Variants in NALF1 observed in about 807,000 individuals in gnomAD.
NALF1 encodes family with sequence similarity 155 member A.
In NALF1, 3 loss-of-function variants were observed where a neutral mutation model predicts 48.4. That is an observed-to-expected ratio of 0.06 (90% confidence interval 0.03 to 0.16). NALF1 has a LOEUF of 0.16. NALF1 is among the 10% of genes least tolerant of loss of function. The probability of loss-of-function intolerance (pLI) is 1.00; values close to 1 mark genes in which losing one functional copy is unlikely to be tolerated. For synonymous variants in NALF1, 262 were observed against 245.7 expected, an observed-to-expected ratio of 1.07 and a Z score of -0.62; for missense variants, 526 against 571.5, an observed-to-expected ratio of 0.92 and a Z score of 0.81.
chr13:107,443,653 T>G (rs1473751926), intron 1 of NALF1, among the ~76,000 whole-genome samples: 1 of 150,516 alleles, frequency 6.6e-6, no homozygotes, highest in East Asian at 1.9e-4. Flanking sequence ...GGTAAAAGTT[T>G]TGGAGTCATC....
chr13:107,775,448 T>C (rs1877703801), intron 1 of NALF1, among the ~76,000 whole-genome samples: 1 of 151,578 alleles, frequency 6.6e-6, no homozygotes, highest in Non-Finnish European at 1.5e-5. Context: ...CTTAATCCAG[T>C]CTATCATTGT....
At chr13:107,381,942 A>G (rs892062027) in intron 1 of NALF1, among the ~76,000 whole-genome samples, 7 of 152,100 alleles carry the variant, frequency 4.6e-5, no homozygotes, top group Non-Finnish European at 8.8e-5. Context: ...TTCTCTGGGG[A>G]GAGAGTATGA....
At chr13:107,729,224 G>T (rs893801993) in intron 1 of NALF1, among the ~76,000 whole-genome samples, 5 of 152,010 alleles carry the variant, frequency 3.3e-5, no homozygotes, top group African/African-American at 1.2e-4. Flanking sequence ...ACATAAAGAA[G>T]AATATGTGAA....
intron 1 of NALF1, among the ~76,000 whole-genome samples, chr13:107,805,913 C>CA (rs1193875739): frequency 6.6e-6 from 1 of 152,050 alleles, no homozygotes; most frequent in African/African-American, 2.4e-5. Flanking sequence ...TATGATGCAC[C>CA]AAATTAAAAG....
At chr13:107,445,853 G>A (rs1884640510) in intron 1 of NALF1, among the ~76,000 whole-genome samples, 1 of 152,042 alleles carries the variant, frequency 6.6e-6, no homozygotes, top group African/African-American at 2.4e-5. Context: ...TTTTTAATTG[G>A]CATAATGCCA....
intron 1 of NALF1, among the ~76,000 whole-genome samples, chr13:107,820,649 T>C (rs1879336975): frequency 6.6e-6 from 1 of 152,228 alleles, no homozygotes; most frequent in South Asian, 2.1e-4. Flanking sequence ...TTATCTGCTA[T>C]GTAAATCTTT....
At chr13:107,303,700 T>G (rs910193959) in intron 1 of NALF1, among the ~76,000 whole-genome samples, 1 of 152,170 alleles carries the variant, frequency 6.6e-6, no homozygotes, top group African/African-American at 2.4e-5. Context: ...CATTAATGAA[T>G]AAAATTCACG....
chr13:107,850,534 C>T (rs1275320670), intron 1 of NALF1, among the ~76,000 whole-genome samples: 1 of 152,176 alleles, frequency 6.6e-6, no homozygotes, highest in Admixed American at 6.6e-5. Flanking sequence ...CAGCTTCTTC[C>T]TTGTTTTACT....
At chr13:107,694,723 T>C (rs1201200868) in intron 1 of NALF1, among the ~76,000 whole-genome samples, 1 of 152,172 alleles carries the variant, frequency 6.6e-6, no homozygotes, top group Admixed American at 6.5e-5. Context: ...TATATCAAAC[T>C]TCACTTAGAA....
intron 1 of NALF1, among the ~76,000 whole-genome samples, chr13:107,585,683 A>T (rs1177117746): frequency 6.6e-6 from 1 of 152,132 alleles, no homozygotes. Flanking sequence ...GGGCCTCATA[A>T]CCCAGCTGAC....
At chr13:107,691,805 T>C (rs1014984153) in intron 1 of NALF1, among the ~76,000 whole-genome samples, 1 of 152,168 alleles carries the variant, frequency 6.6e-6, no homozygotes, top group Non-Finnish European at 1.5e-5. Flanking sequence ...AAAAAGAGTA[T>C]GTCAATAAAA....
At position 107,170,571 on chromosome 13, in the gene NALF1, C is replaced by T; in HGVS notation, c.1303G>A (p.Ala435Thr). 1.2e-6 allele frequency: 2 copies of T among 1,614,112 alleles called. No homozygotes were observed. The highest frequency in any genetic ancestry group is 1.7e-6 in the Non-Finnish European group (2 of 1,180,034). Residue 435 changes from alanine (A) to threonine (T), a missense_variant, in exon 3 of 3, where the codon GCA becomes ACA. Ala to Thr is a moderately conservative substitution (Grantham distance 58). Coordinates refer to ENST00000375915, the MANE Select transcript of NALF1 (RefSeq NM_001080396.3). ...CTCAGTCCGGCTGTGTTCTGTGCTG[C>T]CGAGGCTGTGAGCACTGTGTGTAAG... ...ILLHTVLTAS[A>T]AQNTAGLSFG...
intron 1 of NALF1, among the ~76,000 whole-genome samples, chr13:107,469,298 T>C (rs888431924): frequency 1.3e-5 from 2 of 152,256 alleles, no homozygotes; most frequent in Non-Finnish European, 2.9e-5. Flanking sequence ...TTACAGATGA[T>C]ACTTCTCATA....
intron 1 of NALF1, among the ~76,000 whole-genome samples, chr13:107,814,691 G>A (rs1263458264): frequency 1.3e-5 from 2 of 151,916 alleles, no homozygotes; most frequent in African/African-American, 2.4e-5. Flanking sequence ...AATCGAAAAC[G>A]GAAAGAATTG....
At chr13:107,501,218 G>A (rs968926122) in intron 1 of NALF1, among the ~76,000 whole-genome samples, 4 of 152,090 alleles carry the variant, frequency 2.6e-5, no homozygotes, top group African/African-American at 9.7e-5. Flanking sequence ...ACTCCAGTAT[G>A]TGCCTTTAAT....
chr13:107,566,890 A>G (rs901391268), intron 1 of NALF1, among the ~76,000 whole-genome samples: 1 of 152,204 alleles, frequency 6.6e-6, no homozygotes, highest in Admixed American at 6.5e-5. Flanking sequence ...CAGCTGCCCA[A>G]CACGGATATA....
intron 1 of NALF1, among the ~76,000 whole-genome samples, chr13:107,264,418 C>T (rs937580034): frequency 1.3e-5 from 2 of 152,188 alleles, no homozygotes; most frequent in Admixed American, 1.3e-4. Flanking sequence ...TGCTCTCCTT[C>T]ATAGCTACTG....
At position 107,864,937 on chromosome 13, in the gene NALF1, T is replaced by TA. The variant is rs56920787; in HGVS notation, c.915+744dup. ...ACTACATCATCAACGTTTTGCTATT[T>TA]AATACTTCTGGAAAGCATACTGAAA... is the stretch of plus-strand genomic sequence containing the variant. On this transcript the variant is annotated intron_variant, in intron 1 of 2. Coordinates refer to ENST00000375915, the MANE Select transcript of NALF1 (RefSeq NM_001080396.3). Among the ~76,000 whole-genome samples, 40 of 152,330 alleles carry TA rather than the reference T, an allele frequency of 2.6e-4. No individual in the cohort carries two copies. The East Asian group carries it at 7.5e-3, about 29-fold the overall frequency.
In NALF1 at chr13:107,867,313, C is replaced by T. The variant is rs1278351806; in HGVS notation, c.-717G>A. ...CCCGCGCTCTAAGTGCTGCCGCCGC[C>T]GCCGCCGCCGCCGCCGCTGCCGCAG... On this transcript the variant is annotated 5_prime_UTR_variant, in exon 1 of 3. Coordinates refer to ENST00000375915, the MANE Select transcript of NALF1 (RefSeq NM_001080396.3). The surrounding 1 kb of genome is among the most constrained non-coding windows in gnomAD (Gnocchi z 4.4). Among the ~76,000 whole-genome samples, 77 of 129,972 alleles carry T rather than the reference C, an allele frequency of 5.9e-4. No individual in the cohort carries two copies. Among genetic ancestry groups the T allele is most frequent in the Non-Finnish European group, 1.1e-3 (65 of 59,756 alleles). The allele number at this position is 129,972 out of a possible 152,430, so 85.3% of individuals were successfully genotyped here.
Sources: gnomAD v4.1 joint callset for allele counts (sites outside exome capture counted in the v4.1 genomes callset) on GRCh38, gnomAD v4.1.1 for gene constraint, Gnocchi (gnomAD v3.1) non-coding constraint, MANE v1.5 for transcripts, NCBI Gene and HGNC (gene_info 2026-07-23, HGNC 2026-07-21) for gene names.